TSHZ2: variants seen among roughly 807,000 people sequenced by gnomAD.
TSHZ2 encodes teashirt zinc finger homeobox 2.
TSHZ2 carries 21 observed loss-of-function variants against 74.4 expected under a neutral mutation model. That is an observed-to-expected ratio of 0.28 (90% confidence interval 0.20 to 0.41). The LOEUF (loss-of-function observed/expected upper bound fraction) is 0.41, where lower values mean the gene tolerates loss of function less well. Among genes scored for constraint, TSHZ2 ranks in the 10% least tolerant of loss-of-function variants. The probability of loss-of-function intolerance (pLI) is 1.00; values close to 1 mark genes in which losing one functional copy is unlikely to be tolerated. For missense variants in TSHZ2, 1,244 were observed against 1,293.5 expected (o/e 0.96, Z 0.59); for synonymous variants, 540 against 515.3 (o/e 1.05, Z -0.65).
At chr20:53,009,484 T>G (rs1982773513) in intron 1 of TSHZ2, among the ~76,000 whole-genome samples, 1 of 152,242 alleles carries the variant, frequency 6.6e-6, no homozygotes, top group Admixed American at 6.5e-5. Context: ...TTCATCACAC[T>G]ACTCTGAAAG....
chr20:52,999,820 G>T (rs552950265), intron 1 of TSHZ2, among the ~76,000 whole-genome samples: 1 of 152,256 alleles, frequency 6.6e-6, no homozygotes, highest in East Asian at 1.9e-4. Context: ...GTGCTCAAAT[G>T]GTTGAGATGC....
intron 2 of TSHZ2, among the ~76,000 whole-genome samples, chr20:53,413,311 G>A (rs1983119525): frequency 6.6e-6 from 1 of 152,212 alleles, no homozygotes; most frequent in South Asian, 2.1e-4. Flanking sequence ...AGATGTCTCC[G>A]CCAGTGGGCG....
At chr20:53,016,601 G>C (rs959459224) in intron 1 of TSHZ2, among the ~76,000 whole-genome samples, 1 of 152,082 alleles carries the variant, frequency 6.6e-6, no homozygotes, top group East Asian at 1.9e-4. Flanking sequence ...CCTTTTTACG[G>C]TTTCCAGAAT....
intron 1 of TSHZ2, among the ~76,000 whole-genome samples, chr20:53,134,386 T>C (rs578223591): frequency 6.6e-6 from 1 of 152,314 alleles, no homozygotes; most frequent in South Asian, 2.1e-4. Context: ...AAGAAAACAA[T>C]ATATGTTTTT....
In TSHZ2 at chr20:53,253,732, G is replaced by A. The variant is rs1990386569; in HGVS notation, c.274G>A (p.Val92Met). ...TCTGCTGAGTGACGCCAGTGATCAG[G>A]TGTCGGACATCAAGAGTGTCTGCGG... ...ESLLSDASDQ[V>M]SDIKSVCGRD... Residue 92 changes from valine (V) to methionine (M), a missense_variant, in exon 2 of 3, where the codon GTG becomes ATG. This residue lies in a region of TSHZ2 where 470 missense variants were observed against 456.5 expected (regional missense o/e 1.03). Coordinates refer to ENST00000371497, the MANE Select transcript of TSHZ2 (RefSeq NM_173485.6). The A allele has an allele frequency of 6.2e-7, 1 of 1,614,188 alleles. No homozygotes were observed. Among genetic ancestry groups the A allele is most frequent in the Non-Finnish European group, 8.5e-7 (1 of 1,180,040 alleles).
At chr20:53,272,552 A>G (rs976110836) in intron 2 of TSHZ2, among the ~76,000 whole-genome samples, 1 of 152,212 alleles carries the variant, frequency 6.6e-6, no homozygotes, top group African/African-American at 2.4e-5. Context: ...AATGACAATA[A>G]TACTTACGTC....
intron 2 of TSHZ2, among the ~76,000 whole-genome samples, chr20:53,429,242 T>C (rs1983756514): frequency 6.6e-6 from 1 of 152,046 alleles, no homozygotes; most frequent in African/African-American, 2.4e-5. Flanking sequence ...ACAGTGTCAA[T>C]AGTGCCAAAA....
At chr20:53,451,846 T>A (rs933576255) in intron 2 of TSHZ2, among the ~76,000 whole-genome samples, 2 of 152,208 alleles carry the variant, frequency 1.3e-5, no homozygotes, top group Admixed American at 1.3e-4. Context: ...CTTAGTACAG[T>A]AGGAACACAG....
intron 2 of TSHZ2, among the ~76,000 whole-genome samples, chr20:53,322,523 A>T (rs957101354): frequency 9.9e-5 from 15 of 152,106 alleles, no homozygotes; most frequent in Middle Eastern, 3.2e-3. Flanking sequence ...AAAAAAAAAA[A>T]AGAAAAAAAA....
intron 2 of TSHZ2, among the ~76,000 whole-genome samples, chr20:53,350,075 G>A (rs1980591720): frequency 6.6e-6 from 1 of 152,110 alleles, no homozygotes; most frequent in African/African-American, 2.4e-5. Context: ...CTTGTATAAG[G>A]ACCCCTGTGA....
intron 1 of TSHZ2, among the ~76,000 whole-genome samples, chr20:53,050,319 CAG>C (rs1984416491): frequency 6.6e-6 from 1 of 151,742 alleles, no homozygotes; most frequent in African/African-American, 2.4e-5. Flanking sequence ...AACCAAAGAG[CAG>C]AGTTAAGTCT....
At chr20:53,238,836 TAAAAAAAA>T (rs746136673) in intron 1 of TSHZ2, among the ~76,000 whole-genome samples, 1 of 65,994 alleles carries the variant, frequency 1.5e-5, no homozygotes, top group Non-Finnish European at 2.8e-5. Context: ...ATCTTATATC[TAAAAAAAA>T]AAAAAAAAAA....
chr20:53,070,138 T>C (rs987127511), intron 1 of TSHZ2, among the ~76,000 whole-genome samples: 3 of 152,226 alleles, frequency 2.0e-5, no homozygotes, highest in African/African-American at 7.2e-5. Context: ...TACAGGGTAT[T>C]CATGATTTTA....
At chr20:53,061,184 C>T (rs543090749) in intron 1 of TSHZ2, among the ~76,000 whole-genome samples, 38 of 152,198 alleles carry the variant, frequency 2.5e-4, no homozygotes, top group Admixed American at 1.6e-3. Context: ...ATATTTTGAA[C>T]GCCAGAAATG....
At chr20:52,989,394 G>A (rs1244476064) in intron 1 of TSHZ2, among the ~76,000 whole-genome samples, 1 of 152,060 alleles carries the variant, frequency 6.6e-6, no homozygotes, top group Non-Finnish European at 1.5e-5. Flanking sequence ...TTCTTTGTTA[G>A]TATTGGATGG....
At chr20:53,482,610 A>T (rs1368952277) in intron 2 of TSHZ2, among the ~76,000 whole-genome samples, 1 of 152,192 alleles carries the variant, frequency 6.6e-6, no homozygotes, top group Non-Finnish European at 1.5e-5. Context: ...GCACACAAAA[A>T]TTAAAAATAG....
At chr20:53,374,808 G>C (rs1015151076) in intron 2 of TSHZ2, among the ~76,000 whole-genome samples, 2 of 150,652 alleles carry the variant, frequency 1.3e-5, no homozygotes, top group Non-Finnish European at 1.5e-5. Flanking sequence ...AAAAGTGACT[G>C]TTCATATCCT....
chr20:52,974,312 G>T (rs932584466), intron 1 of TSHZ2, among the ~76,000 whole-genome samples: 3 of 152,012 alleles, frequency 2.0e-5, no homozygotes, highest in African/African-American at 7.3e-5. Context: ...CGCTGCCTTT[G>T]ATCTATTCAT....
intron 1 of TSHZ2, among the ~76,000 whole-genome samples, chr20:53,018,484 G>C (rs188046509): frequency 9.7e-4 from 148 of 152,294 alleles, no homozygotes; most frequent in Admixed American, 2.5e-3. Context: ...CTAACAGAAG[G>C]GGGAGGGCAG....
Sources: allele counts gnomAD v4.1 joint callset (sites outside exome capture counted in the v4.1 genomes callset), GRCh38; gene constraint gnomAD v4.1.1; regional missense constraint gnomAD v4.1.1; transcripts MANE v1.5; gene names NCBI Gene and HGNC (gene_info 2026-07-23, HGNC 2026-07-21).